Variants in RABGAP1 observed in about 807,000 individuals in gnomAD.
RABGAP1 encodes the protein rab GTPase-activating protein 1.
In RABGAP1, 23 loss-of-function variants were observed where a neutral mutation model predicts 137.6. That is an observed-to-expected ratio of 0.17 (90% CI 0.12 to 0.24). The LOEUF is 0.24. Among genes scored for constraint, RABGAP1 ranks in the 10% least tolerant of loss-of-function variants. The pLI, the probability that RABGAP1 is intolerant of heterozygous loss-of-function variation, is 1.00. For synonymous variants in RABGAP1, 451 were observed against 450.7 expected, an observed-to-expected ratio of 1.00 and a Z score of -0.01; for missense variants, 906 against 1,275.8, an observed-to-expected ratio of 0.71 and a Z score of 4.42.
At chr9:123,050,740 A>G (rs531433426) in intron 13 of RABGAP1, among the ~76,000 whole-genome samples, 41 of 152,316 alleles carry the variant, frequency 2.7e-4, no homozygotes, top group African/African-American at 7.2e-4. Context: ...TATACAGGCT[A>G]TGAGGTCCTG....
intron 2 of RABGAP1, among the ~76,000 whole-genome samples, chr9:122,957,470 A>G (rs1834587820): frequency 6.6e-6 from 1 of 152,098 alleles, no homozygotes; most frequent in African/African-American, 2.4e-5. Flanking sequence ...TCATTTTAGT[A>G]TTGTTTTCAC....
At position 122,998,640 on chromosome 9, in the gene RABGAP1, A is replaced by C; in HGVS notation, c.1248A>C (p.Thr416=). 1 of 1,611,276 alleles carries C rather than the reference A, an allele frequency of 6.2e-7. No homozygotes were observed. Among genetic ancestry groups the C allele is most frequent in the Non-Finnish European group, 8.5e-7 (1 of 1,177,760 alleles). Residue 416 remains threonine (T), a synonymous_variant, in exon 10 of 26, where the codon ACA becomes ACC. Transcript: ENST00000373647. ...CCACAGCTGTAGATTTGGTAATAAC[A>C]GAAGTACAGGAGCCTGTTCGATTTC... ...FMTTAVDLVI[T]EVQEPVRFLL...
chr9:123,057,413 C>T (rs1336456072), intron 13 of RABGAP1, among the ~76,000 whole-genome samples: 5 of 145,708 alleles, frequency 3.4e-5, no homozygotes, highest in African/African-American at 5.1e-5. Flanking sequence ...ACATCCCAGA[C>T]GGGGCGGCAG....
At chr9:123,017,321 A>G (rs1266456375) in intron 12 of RABGAP1, among the ~76,000 whole-genome samples, 1 of 152,170 alleles carries the variant, frequency 6.6e-6, no homozygotes, top group Non-Finnish European at 1.5e-5. Context: ...TCGTTTTGTT[A>G]TCAAGCTTTG....
chr9:122,940,337 A>T (rs760201530), upstream of RABGAP1: 2 of 152,228 alleles, frequency 1.3e-5, no homozygotes, highest in Non-Finnish European at 2.9e-5. Context: ...AATCTGATGT[A>T]ACCTTGTCCA....
chr9:122,940,277 G>C (rs1275650194), upstream of RABGAP1: 1 of 152,154 alleles, frequency 6.6e-6, no homozygotes, highest in African/African-American at 2.4e-5. Context: ...TGCTGTTGCT[G>C]TGTTTCACCT....
At position 122,996,035 on chromosome 9, in the gene RABGAP1, C is replaced by T. The variant is rs2131812993; in HGVS notation, c.924-6C>T. On this transcript the variant is annotated splice_region_variant and splice_polypyrimidine_tract_variant and intron_variant, in intron 6 of 25. Transcript: ENST00000373647. Reference sequence around the variant, plus strand: ...TGCAAAATTAATGAAACATGTTGGTCTACAGTGCAGTTCCCAAAGATAAGG... The same window carrying T: ...TGCAAAATTAATGAAACATGTTGGTTTACAGTGCAGTTCCCAAAGATAAGG... 2 of 1,582,432 alleles carry T rather than the reference C, an allele frequency of 1.3e-6. No individual in the cohort carries two copies. The highest frequency in any genetic ancestry group is 2.3e-5 in the East Asian group (1 of 43,444).
At chr9:122,996,450 C>T (rs760815109) in intron 7 of RABGAP1, 89 bp from the exon 8 acceptor site, 8 of 1,279,540 alleles carry the variant, frequency 6.3e-6, no homozygotes, top group Non-Finnish European at 8.8e-6. Context: ...TCTTTTCTAT[C>T]AGCAAGAATT....
chr9:123,058,018 G>A (rs1036823387), intron 13 of RABGAP1, among the ~76,000 whole-genome samples: 1 of 138,218 alleles, frequency 7.2e-6, no homozygotes, highest in Non-Finnish European at 1.6e-5. Flanking sequence ...GTCCAGCCTC[G>A]GCTCGGCATC....
intron 14 of RABGAP1, among the ~76,000 whole-genome samples, chr9:123,066,224 T>G (rs1311046294): frequency 1.3e-5 from 2 of 152,234 alleles, no homozygotes; most frequent in Non-Finnish European, 2.9e-5. Flanking sequence ...ATTCGATGAT[T>G]TAAACTACAA....
intron 13 of RABGAP1, among the ~76,000 whole-genome samples, chr9:123,051,474 C>T (rs1011341259): frequency 2.2e-4 from 33 of 151,192 alleles, no homozygotes; most frequent in South Asian, 6.2e-4. Flanking sequence ...CTCGAACTCC[C>T]GACCTTAGGT....
At chr9:122,981,131 G>A (rs980480555) in intron 2 of RABGAP1, among the ~76,000 whole-genome samples, 1 of 151,882 alleles carries the variant, frequency 6.6e-6, no homozygotes, top group Non-Finnish European at 1.5e-5. Flanking sequence ...TCTGCTCCCC[G>A]GGTTCAAGCA....
At chr9:122,969,023 A>G (rs758701796) in intron 2 of RABGAP1, among the ~76,000 whole-genome samples, 1 of 152,238 alleles carries the variant, frequency 6.6e-6, no homozygotes, top group Non-Finnish European at 1.5e-5. Flanking sequence ...TTTACCAGAA[A>G]GAAATACCCG....
intron 13 of RABGAP1, chr9:123,035,467 T>C: frequency 6.2e-7 from 1 of 1,614,186 alleles, no homozygotes; most frequent in Non-Finnish European, 8.5e-7. Context: ...TTTCTGCAAC[T>C]GTGTAATTTA....
chr9:123,051,459 C>T (rs1412613777), intron 13 of RABGAP1, among the ~76,000 whole-genome samples: 4 of 151,186 alleles, frequency 2.6e-5, no homozygotes, highest in African/African-American at 7.3e-5. Context: ...GTTGATCAGA[C>T]TGGTCTCGAA....
At chr9:122,987,257 T>C (rs1461937997) in intron 4 of RABGAP1, among the ~76,000 whole-genome samples, 1 of 152,214 alleles carries the variant, frequency 6.6e-6, no homozygotes, top group Non-Finnish European at 1.5e-5. Flanking sequence ...ATCAACCAGC[T>C]AAATATACTG....
chr9:122,948,712 A>G (rs937294679), intron 1 of RABGAP1, among the ~76,000 whole-genome samples: 8 of 152,122 alleles, frequency 5.3e-5, no homozygotes, highest in Admixed American at 1.3e-4. Flanking sequence ...AGGGAACCCA[A>G]GGTATATTTT....
chr9:123,022,123 A>AT (rs1254806964), intron 13 of RABGAP1, among the ~76,000 whole-genome samples: 1 of 151,856 alleles, frequency 6.6e-6, no homozygotes. Flanking sequence ...AACACTACTT[A>AT]TTTTTTTTGA....
At chr9:123,087,366 A>G (rs2034900873) in intron 19 of RABGAP1, among the ~76,000 whole-genome samples, 1 of 152,148 alleles carries the variant, frequency 6.6e-6, no homozygotes, top group African/African-American at 2.4e-5. Flanking sequence ...ATAAAGTGCC[A>G]TGGGAGCCTC....
Sources: gnomAD v4.1 joint callset for allele counts (sites outside exome capture counted in the v4.1 genomes callset) on GRCh38, gnomAD v4.1.1 for gene constraint, MANE v1.5 for transcripts, NCBI Gene and HGNC (gene_info 2026-07-23, HGNC 2026-07-21) for gene names.